MTAP: variants seen among roughly 807,000 people sequenced by gnomAD.
MTAP encodes methylthioadenosine phosphorylase.
MTAP carries 33 observed loss-of-function variants against 33.6 expected under a neutral mutation model. That is an observed-to-expected ratio of 0.98 (90% CI 0.74 to 1.31). MTAP has a LOEUF of 1.31. MTAP is among the 40% of genes most tolerant of loss of function. The probability of loss-of-function intolerance (pLI) is 0.00; values close to 1 mark genes in which losing one functional copy is unlikely to be tolerated. For synonymous variants in MTAP, 148 were observed against 125.7 expected (o/e 1.18, Z -1.19); for missense variants, 367 against 360.0 (o/e 1.02, Z -0.16).
chr9:21,917,411 T>G (rs1382341752), intron 1 of MTAP, among the ~76,000 whole-genome samples: 1 of 152,020 alleles, frequency 6.6e-6, no homozygotes, highest in Non-Finnish European at 1.5e-5. Context: ...GCAATGTTAG[T>G]AGGTCAAGGA....
chr9:21,857,184 CAA>C (rs2118535844), intron 6 of MTAP, among the ~76,000 whole-genome samples: 1 of 152,124 alleles, frequency 6.6e-6, no homozygotes, highest in South Asian at 2.1e-4. Flanking sequence ...ACAGCTGGAA[CAA>C]AGAGAAGGGA....
intron 1 of MTAP, among the ~76,000 whole-genome samples, chr9:21,890,694 T>G (rs1818186762): frequency 6.6e-6 from 1 of 152,162 alleles, no homozygotes; most frequent in Non-Finnish European, 1.5e-5. Context: ...TAGGTAAGGT[T>G]AAATCCTTCT....
intron 1 of MTAP, 80 bp from the exon 2 acceptor site, chr9:21,815,353 A>G (rs1260440231): frequency 2.0e-6 from 2 of 986,504 alleles, no homozygotes; most frequent in Non-Finnish European, 3.0e-6. Flanking sequence ...AGAGCATATG[A>G]ATAAATGAAT....
intron 1 of MTAP, among the ~76,000 whole-genome samples, chr9:21,809,495 C>T (rs1433689556): frequency 6.6e-6 from 1 of 151,982 alleles, no homozygotes; most frequent in African/African-American, 2.4e-5. Context: ...AAAAATTAGC[C>T]GGGCACGGTG....
intron 1 of MTAP, among the ~76,000 whole-genome samples, chr9:21,814,854 G>T (rs1038900705): frequency 5.3e-5 from 8 of 152,044 alleles, no homozygotes; most frequent in Non-Finnish European, 1.2e-4. Context: ...ATGTATATGC[G>T]GGTAACTTTT....
chr9:21,847,031 G>A (rs1347433054), intron 5 of MTAP, among the ~76,000 whole-genome samples: 1 of 152,142 alleles, frequency 6.6e-6, no homozygotes, highest in African/African-American at 2.4e-5. Context: ...TAATGTGGGT[G>A]GGCACAGTCT....
downstream of MTAP, among the ~76,000 whole-genome samples, chr9:21,868,966 A>G (rs762574397): frequency 1.3e-5 from 2 of 152,172 alleles, no homozygotes; most frequent in African/African-American, 2.4e-5. Context: ...TTTGAGAACT[A>G]CTGTCATAGA....
At chr9:21,936,216 A>G (rs1198500893) in exon 8 of MTAP, 1 of 152,218 alleles carries the variant, frequency 6.6e-6, no homozygotes, top group Non-Finnish European at 1.5e-5. Context: ...CTCCACAAGT[A>G]TTGGTTAACA....
intron 4 of MTAP, among the ~76,000 whole-genome samples, chr9:21,824,843 T>C (rs1294898545): frequency 6.6e-6 from 1 of 152,100 alleles, no homozygotes; most frequent in African/African-American, 2.4e-5. Context: ...TGCAGTTTGA[T>C]CTCAGGCTGC....
chr9:21,916,310 T>C (rs1450609735), intron 1 of MTAP, among the ~76,000 whole-genome samples: 1 of 152,054 alleles, frequency 6.6e-6, no homozygotes, highest in African/African-American at 2.4e-5. Flanking sequence ...GGTTTACTTA[T>C]AAGAAATGAG....
chr9:21,940,310 A>G (rs915454041), downstream of MTAP, among the ~76,000 whole-genome samples: 1 of 152,242 alleles, frequency 6.6e-6, no homozygotes, highest in African/African-American at 2.4e-5. Context: ...CACTATTCTT[A>G]CTATACTTAT....
At chr9:21,834,107 T>G (rs1394771872) in intron 4 of MTAP, among the ~76,000 whole-genome samples, 2 of 152,226 alleles carry the variant, frequency 1.3e-5, no homozygotes, top group African/African-American at 4.8e-5. Context: ...TGTCATACTT[T>G]GGGATTGGCA....
At chr9:21,934,552 C>G (rs1289573190), downstream of MTAP, 1 of 151,842 alleles carries the variant, frequency 6.6e-6, no homozygotes, top group Non-Finnish European at 1.5e-5. The surrounding 1 kb of genome is among the most constrained non-coding windows in gnomAD (Gnocchi z 5.0). Context: ...GTTATTGTAA[C>G]TAGATGTTTA....
intron 4 of MTAP, among the ~76,000 whole-genome samples, chr9:21,835,253 G>C (rs1216693968): frequency 6.6e-6 from 1 of 152,164 alleles, no homozygotes; most frequent in Admixed American, 6.5e-5. Context: ...CATCTTGTGA[G>C]TTTGGATTTC....
At chr9:21,907,257 G>A (rs376137613) in intron 1 of MTAP, among the ~76,000 whole-genome samples, 2 of 152,194 alleles carry the variant, frequency 1.3e-5, no homozygotes, top group African/African-American at 4.8e-5. Flanking sequence ...TAAATAGTTT[G>A]TATATAAGGC....
intron 1 of MTAP, chr9:21,893,222 G>A (rs1469816190): frequency 1.3e-5 from 2 of 152,028 alleles, no homozygotes. Flanking sequence ...GGGATCATGG[G>A]GATTACAATT....
chr9:21,814,780 T>C (rs1330010342), intron 1 of MTAP, among the ~76,000 whole-genome samples: 2 of 152,214 alleles, frequency 1.3e-5, no homozygotes, highest in Admixed American at 1.3e-4. Flanking sequence ...ATGAGTATGC[T>C]ATATGTATAT....
At chr9:21,822,593 G>C (rs1374768531) in intron 4 of MTAP, among the ~76,000 whole-genome samples, 1 of 152,198 alleles carries the variant, frequency 6.6e-6, no homozygotes, top group Admixed American at 6.5e-5. Context: ...GTGCCGAGAA[G>C]AATGTATATT....
chr9:21,911,047 A>C (rs1259411968), intron 1 of MTAP, among the ~76,000 whole-genome samples: 1 of 152,208 alleles, frequency 6.6e-6, no homozygotes, highest in Non-Finnish European at 1.5e-5. Context: ...CCATTACATA[A>C]TGGTAAAGGG....
Sources: allele counts gnomAD v4.1 joint callset (sites outside exome capture counted in the v4.1 genomes callset), GRCh38; gene constraint gnomAD v4.1.1; non-coding constraint Gnocchi (gnomAD v3.1); transcripts MANE v1.5; gene names NCBI Gene and HGNC (gene_info 2026-07-23, HGNC 2026-07-21).